The following USP4 variants were observed in gnomAD, a reference collection of about 807,000 sequenced individuals.
USP4 encodes ubiquitin specific peptidase 4, also known as ubiquitin carboxyl-terminal hydrolase 4.
USP4 carries 72 observed loss-of-function variants against 118.2 expected under a neutral mutation model. That is an observed-to-expected ratio of 0.61 (90% confidence interval 0.50 to 0.74). The LOEUF (loss-of-function observed/expected upper bound fraction) is 0.74. USP4 is among the 30% of genes least tolerant of loss of function. The pLI is 0.00. For synonymous variants in USP4, 415 were observed against 440.4 expected (o/e 0.94, Z 0.72); for missense variants, 1,037 against 1,185.7 (o/e 0.87, Z 1.84).
rs780572364 is a variant in USP4 at position 49,300,520 on chromosome 3, G to C, written c.1459C>G (p.Arg487Gly). The change falls in exon 11 of 22, where the codon CGA becomes GGA. Residue 487 changes from arginine (R) to glycine (G), a missense_variant. Arg to Gly is a moderately radical substitution (Grantham distance 125). Transcript: ENST00000265560. ...LTLPLPLKKD[R>G]VMEVFLVPAD... ...GGAACCAGGAAAACCTCCATAACTC[G>C]ATCTTTCTTCAAGGGCAGTGGCAGC... is the stretch of plus-strand genomic sequence containing the variant. 5 of 1,614,058 alleles carry C rather than the reference G, an allele frequency of 3.1e-6. No homozygotes were observed. The highest frequency in any genetic ancestry group is 4.5e-5 in the East Asian group (2 of 44,904).
chr3:49,295,714 G>GCGCGCGCGCACACACACACA (rs149459963), intron 13 of USP4, among the ~76,000 whole-genome samples: 2 of 148,320 alleles, frequency 1.3e-5, no homozygotes, highest in African/African-American at 5.2e-5. Flanking sequence ...GCGCGCGCGC[G>GCGCGCGCGCACACACACACA]CACACACACA....
chr3:49,325,032 G>A lies in USP4; in HGVS notation c.495C>T (p.Ile165=), dbSNP rs564412761. 6 of 1,612,916 alleles carry A rather than the reference G, an allele frequency of 3.7e-6. No homozygotes were observed. The highest frequency in any genetic ancestry group is 2.2e-5 in the East Asian group (1 of 44,872). Residue 165 remains isoleucine, a synonymous_variant, in exon 5 of 22, where the codon ATC becomes ATT. Coordinates refer to ENST00000265560, the MANE Select transcript of USP4 (RefSeq NM_003363.4). The part of the protein sequence containing the change: ...HFSKADTIAT[I]EKEMRKLFNI... Reference sequence around the variant, plus strand: ...TGAATAGCTTCCGCATCTCTTTCTCGATGGTTGCTAGGAACAGGCAGAAAT... The same window carrying A: ...TGAATAGCTTCCGCATCTCTTTCTCAATGGTTGCTAGGAACAGGCAGAAAT...
intron 10 of USP4, among the ~76,000 whole-genome samples, chr3:49,301,480 G>T (rs564921373): frequency 1.3e-5 from 2 of 152,216 alleles, no homozygotes; most frequent in South Asian, 4.1e-4. Flanking sequence ...CAGAGGTCAG[G>T]AGTTCAATAT....
At chr3:49,319,614 T>TTTGG (rs1395608034) in intron 6 of USP4, among the ~76,000 whole-genome samples, 1 of 150,400 alleles carries the variant, frequency 6.6e-6, no homozygotes, top group Non-Finnish European at 1.5e-5. Flanking sequence ...TGTTTGTTTG[T>TTTGG]TTGTTTGTTT....
At chr3:49,299,084 T>G (rs2047237892) in intron 11 of USP4, among the ~76,000 whole-genome samples, 1 of 151,938 alleles carries the variant, frequency 6.6e-6, no homozygotes, top group African/African-American at 2.4e-5. Flanking sequence ...CAACTTTCTT[T>G]TTTTTCTTTT....
intron 6 of USP4, chr3:49,312,439 G>A (rs761740938): frequency 5.3e-5 from 24 of 451,500 alleles, no homozygotes; most frequent in South Asian, 1.9e-4. Flanking sequence ...CTGCACCACC[G>A]CACTCCAGCT....
chr3:49,327,650 C>G (rs763544972), intron 3 of USP4, 36 bp downstream of exon 3: 5 of 1,611,828 alleles, frequency 3.1e-6, no homozygotes, highest in South Asian at 1.1e-5. Context: ...CACCTGCAGA[C>G]AGTGACCAGC....
intron 6 of USP4, among the ~76,000 whole-genome samples, chr3:49,316,059 C>T (rs2047431903): frequency 6.6e-6 from 1 of 151,940 alleles, no homozygotes. Context: ...CAAAATTAGC[C>T]AGGCATGGTG....
At chr3:49,285,862 G>A (rs1407713200) in intron 16 of USP4, among the ~76,000 whole-genome samples, 1 of 152,182 alleles carries the variant, frequency 6.6e-6, no homozygotes, top group Non-Finnish European at 1.5e-5. Context: ...CCCGCAGAGG[G>A]AGTGGAGGGA....
intron 19 of USP4, among the ~76,000 whole-genome samples, chr3:49,281,973 T>C (rs1158053795): frequency 6.6e-6 from 1 of 151,512 alleles, no homozygotes; most frequent in Admixed American, 6.6e-5. Flanking sequence ...ATCGCACCAC[T>C]GCACTCTGGC....
intron 9 of USP4, among the ~76,000 whole-genome samples, chr3:49,305,114 C>G (rs2047300294): frequency 6.9e-6 from 1 of 144,122 alleles, no homozygotes; most frequent in African/African-American, 2.6e-5. Context: ...GTTCTGTCAC[C>G]CAGGCTGGAG....
At chr3:49,333,037 G>T (rs1380536594) in intron 2 of USP4, among the ~76,000 whole-genome samples, 1 of 143,470 alleles carries the variant, frequency 7.0e-6, no homozygotes. Context: ...TTTGAGACAA[G>T]ATGGCACCTT....
Position 49,283,968 on chromosome 3 carries a change from T to A in USP4, c.2540+19A>T, listed in dbSNP as rs41290698. The A allele has an allele frequency of 1.8e-3, 2,976 of 1,613,942 alleles. 6 individuals are homozygous for A. Among genetic ancestry groups the A allele is most frequent in the Non-Finnish European group, 2.2e-3 (2,581 of 1,179,904 alleles). On this transcript the variant is annotated intron_variant, in intron 19 of 21. Coordinates refer to ENST00000265560, the MANE Select transcript of USP4 (RefSeq NM_003363.4). Reference sequence around the variant, plus strand: ...GCCTGTTTTTAAATGTTCCTAACACTGTAGTCACCATGACCCACCTGATTG... The same window carrying A: ...GCCTGTTTTTAAATGTTCCTAACACAGTAGTCACCATGACCCACCTGATTG...
Position 49,286,154 on chromosome 3 carries a change from TAGG to T in USP4, c.2141_2143del (p.Ser714del). ...AAGTGAATTTATGTCAGCTGTTCCA[TAGG>T]AGTTCACAAGACTGAAGGTAAAAAG... On this transcript the variant is annotated inframe_deletion, in exon 16 of 22. Coordinates refer to ENST00000265560, the MANE Select transcript of USP4 (RefSeq NM_003363.4). The T allele has an allele frequency of 6.2e-7, 1 of 1,614,214 alleles. No homozygotes were observed. The highest frequency in any genetic ancestry group is 8.5e-7 in the Non-Finnish European group (1 of 1,180,044).
At chr3:49,294,036 C>T (rs774100737) in intron 14 of USP4, among the ~76,000 whole-genome samples, 101 of 150,018 alleles carry the variant, frequency 6.7e-4, no homozygotes, top group African/African-American at 1.8e-3. Flanking sequence ...AATGCAGTGG[C>T]GCGATCTCAG....
At chr3:49,315,714 C>T (rs1238747731) in intron 6 of USP4, among the ~76,000 whole-genome samples, 1 of 152,110 alleles carries the variant, frequency 6.6e-6, no homozygotes, top group Non-Finnish European at 1.5e-5. Flanking sequence ...AGGCATGTCA[C>T]GTGATTATCA....
intron 16 of USP4, 131 bp downstream of exon 16, chr3:49,285,967 G>A: frequency 1.2e-6 from 1 of 826,362 alleles, no homozygotes; most frequent in Non-Finnish European, 1.9e-6. Flanking sequence ...TCAAGCCAAG[G>A]GTCATACAAG....
At chr3:49,311,794 C>T in intron 6 of USP4, 140 bp from the exon 7 acceptor site, 1 of 1,384,288 alleles carries the variant, frequency 7.2e-7, no homozygotes, top group Non-Finnish European at 9.4e-7. Context: ...ATTCATACTA[C>T]TTCAAGGTAA....
intron 9 of USP4, among the ~76,000 whole-genome samples, chr3:49,305,005 GC>G (rs1485779728): frequency 3.3e-5 from 5 of 150,908 alleles, no homozygotes; most frequent in Non-Finnish European, 5.9e-5. Flanking sequence ...CTCGTGATCT[GC>G]CCGCCTCAGC....
Sources: allele counts gnomAD v4.1 joint callset (sites outside exome capture counted in the v4.1 genomes callset), GRCh38; gene constraint gnomAD v4.1.1; transcripts MANE v1.5; gene names NCBI Gene and HGNC (gene_info 2026-07-23, HGNC 2026-07-21).